C5orf63: variants seen among roughly 807,000 people sequenced by gnomAD.
The protein encoded by C5orf63 is chromosome 5 open reading frame 63.
C5orf63 carries 18 observed loss-of-function variants against 13.3 expected under a neutral mutation model. The observed-to-expected ratio is 1.36, with a 90% confidence interval of 0.94 to 2.01. C5orf63 has a LOEUF of 2.01. Among genes scored for constraint, C5orf63 ranks in the 30% most tolerant of loss-of-function variants. C5orf63 has a pLI of 0.00. For synonymous variants in C5orf63, 38 were observed against 44.7 expected, an observed-to-expected ratio of 0.85 and a Z score of 0.60; for missense variants, 118 against 127.7, an observed-to-expected ratio of 0.92 and a Z score of 0.36.
intron 3 of C5orf63, among the ~76,000 whole-genome samples, chr5:127,058,074 G>T (rs1351353565): frequency 1.3e-5 from 2 of 151,906 alleles, no homozygotes; most frequent in Admixed American, 6.6e-5. Flanking sequence ...TTTTAGGTTC[G>T]GGGGTACATG....
chr5:127,069,642 G>A (rs897464297), intron 2 of C5orf63, among the ~76,000 whole-genome samples: 2 of 152,158 alleles, frequency 1.3e-5, no homozygotes, highest in African/African-American at 4.8e-5. Context: ...CTGGACTTGT[G>A]ATAACAGTAA....
Position 127,059,097 on chromosome 5 carries a change from G to A in C5orf63, c.-7-95C>T, listed in dbSNP as rs756967953. The A allele has an allele frequency of 1.1e-4, 88 of 804,404 alleles. No homozygotes were observed. The Admixed American group carries it at 1.4e-3, about 13-fold the overall frequency. 49.8% of individuals were successfully genotyped at this position (804,404 alleles called of 1,614,324 possible). A position where few individuals can be genotyped will look rare whatever the true frequency, so the allele number is the denominator to read the frequency against. ...TTTCCAAGCTTATGATGGAATTTGC[G>A]GGCTTCAGAATTGTTTCTTCAAGTC... On this transcript the variant is annotated intron_variant, in intron 2 of 4. Transcript: ENST00000296662.
At chr5:127,052,066 T>C in intron 4 of C5orf63, 119 bp from the exon 5 acceptor site, 1 of 822,318 alleles carries the variant, frequency 1.2e-6, no homozygotes. Flanking sequence ...TGTTTGTTTG[T>C]TTTAGGTCCA....
chr5:127,064,022 G>A (rs17165239), intron 2 of C5orf63, among the ~76,000 whole-genome samples: 4,707 of 152,230 alleles, frequency 0.031, 154 homozygotes, highest in South Asian at 0.14. Context: ...CAGCGAAACA[G>A]GGACAATTGA....
chr5:127,046,098 T>G (rs1217783369), exon 5 of C5orf63: 2 of 152,244 alleles, frequency 1.3e-5, no homozygotes, highest in African/African-American at 4.8e-5. Context: ...CTCAAATGTA[T>G]ACCTTAACCC....
chr5:127,062,902 A>G (rs138719285), intron 2 of C5orf63, among the ~76,000 whole-genome samples: 121 of 152,314 alleles, frequency 7.9e-4, no homozygotes, highest in African/African-American at 2.6e-3. Context: ...ACACACAGAC[A>G]TGATTTTATC....
intron 2 of C5orf63, among the ~76,000 whole-genome samples, chr5:127,060,839 C>A (rs1436312896): frequency 1.3e-5 from 2 of 152,216 alleles, no homozygotes; most frequent in South Asian, 2.1e-4. Flanking sequence ...ACACTCCCCA[C>A]CCTCACATCT....
At chr5:127,067,767 A>C (rs1397457805) in intron 2 of C5orf63, among the ~76,000 whole-genome samples, 1 of 152,166 alleles carries the variant, frequency 6.6e-6, no homozygotes, top group African/African-American at 2.4e-5. Context: ...TCCTCAATTC[A>C]TGCACGTCAA....
chr5:127,050,641 C>T (rs1014200576), downstream of C5orf63, among the ~76,000 whole-genome samples: 3 of 152,120 alleles, frequency 2.0e-5, no homozygotes, highest in Non-Finnish European at 2.9e-5. Flanking sequence ...CCTTGGGTTA[C>T]GTCCCTGATA....
chr5:127,071,354 C>T (rs1580537379), intron 2 of C5orf63, among the ~76,000 whole-genome samples: 1 of 152,148 alleles, frequency 6.6e-6, no homozygotes, highest in East Asian at 1.9e-4. Flanking sequence ...GGAACTTTAA[C>T]TTTGGTAAGG....
downstream of C5orf63, among the ~76,000 whole-genome samples, chr5:127,050,721 A>G (rs1580523476): frequency 6.6e-6 from 1 of 152,296 alleles, no homozygotes; most frequent in Non-Finnish European, 1.5e-5. Context: ...AAGGTCAGCT[A>G]GCTCTAATAT....
downstream of C5orf63, chr5:127,047,596 C>T (rs1053851655): frequency 1.2e-5 from 8 of 640,552 alleles, no homozygotes; most frequent in African/African-American, 1.1e-4. Context: ...GTAACCAATA[C>T]TCTAAATATG....
In C5orf63 at chr5:127,051,468, G is replaced by T; in HGVS notation, c.*303C>A. The T allele has an allele frequency of 8.1e-7, 1 of 1,233,772 alleles. No homozygotes were observed. The highest frequency in any genetic ancestry group is 4.1e-5 in the South Asian group (1 of 24,504). The allele number at this position is 1,233,772 out of a possible 1,614,324, so 76.4% of individuals were successfully genotyped here. ...CTTCCTATAAATGGCATTGCCCAGT[G>T]ACTGTGAAGTGCTTCTCTATTAATA... is the stretch of plus-strand genomic sequence containing the variant. On this transcript the variant is annotated 3_prime_UTR_variant, in exon 5 of 5. Coordinates refer to ENST00000296662, the MANE Select transcript of C5orf63 (RefSeq NM_001164478.2).
chr5:127,066,361 G>C lies in C5orf63; in HGVS notation c.-8+5223C>G, dbSNP rs549725253. 7.2e-5 allele frequency among the ~76,000 whole-genome samples: 11 copies of C among 152,222 alleles called. 1 individual carries two copies. The South Asian group carries it at 2.3e-3, about 32-fold the overall frequency. On this transcript the variant is annotated intron_variant, in intron 2 of 4. Coordinates refer to ENST00000296662, the MANE Select transcript of C5orf63 (RefSeq NM_001164478.2). ...CTGCTGTGCGAAGAACAGATTGTTGGGGGGCAAGAGTGGAGCAGGGACGCA... is the reference window on the plus strand; with the variant it reads ...CTGCTGTGCGAAGAACAGATTGTTGCGGGGCAAGAGTGGAGCAGGGACGCA...
chr5:127,044,345 A>T (rs1456031662), downstream of C5orf63: 1 of 152,072 alleles, frequency 6.6e-6, no homozygotes, highest in Non-Finnish European at 1.5e-5. Flanking sequence ...CATTAATATT[A>T]ATATTAATAT....
At chr5:127,048,700 G>A (rs770107047), downstream of C5orf63, among the ~76,000 whole-genome samples, 1 of 152,068 alleles carries the variant, frequency 6.6e-6, no homozygotes, top group Non-Finnish European at 1.5e-5. Context: ...TCTAGTGTCA[G>A]AAATTTGTTG....
intron 3 of C5orf63, among the ~76,000 whole-genome samples, chr5:127,057,605 C>T (rs58754116): frequency 0.081 from 12,328 of 152,230 alleles, 701 homozygotes; most frequent in African/African-American, 0.16. Flanking sequence ...CTAAAACTTC[C>T]TTGCAACCCC....
chr5:127,059,942 C>T (rs1754037977), intron 2 of C5orf63, among the ~76,000 whole-genome samples: 1 of 151,880 alleles, frequency 6.6e-6, no homozygotes, highest in Non-Finnish European at 1.5e-5. Context: ...GAGTTTGAGA[C>T]CAGCTTGACC....
intron 2 of C5orf63, among the ~76,000 whole-genome samples, chr5:127,071,265 G>A (rs1026398988): frequency 2.0e-5 from 3 of 152,192 alleles, no homozygotes; most frequent in African/African-American, 4.8e-5. Flanking sequence ...GATATTACTG[G>A]TGAAATGGTC....
Sources: allele counts gnomAD v4.1 joint callset (sites outside exome capture counted in the v4.1 genomes callset), GRCh38; gene constraint gnomAD v4.1.1; transcripts MANE v1.5; gene names NCBI Gene and HGNC (gene_info 2026-07-23, HGNC 2026-07-21).